The following VCL variants were observed in gnomAD, a reference collection of about 807,000 sequenced individuals.
The protein encoded by VCL is vinculin, also known as epididymis luminal protein 114.
VCL carries 47 observed loss-of-function variants against 125.7 expected under a neutral mutation model. The ratio of observed to expected loss-of-function variants is 0.37; its 90% CI spans 0.30 to 0.48. The LOEUF is 0.48. Among genes scored for constraint, VCL ranks in the 20% least tolerant of loss-of-function variants. The probability of loss-of-function intolerance (pLI) is 0.99; values close to 1 mark genes in which losing one functional copy is unlikely to be tolerated. For missense variants in VCL, 1,069 were observed against 1,455.5 expected, an observed-to-expected ratio of 0.73 and a Z score of 4.32; for synonymous variants, 458 against 514.6, an observed-to-expected ratio of 0.89 and a Z score of 1.49.
chr10:74,025,296 C>T (rs963652631), intron 1 of VCL, among the ~76,000 whole-genome samples: 3 of 152,068 alleles, frequency 2.0e-5, no homozygotes, highest in Admixed American at 6.6e-5. Flanking sequence ...GGAATACAGG[C>T]GTAGCCATGG....
At position 74,070,683 on chromosome 10, in the gene VCL, T is replaced by C; in HGVS notation, c.253T>C (p.Cys85Arg). 6.2e-7 allele frequency: 1 copy of C among 1,614,164 alleles called. No homozygotes were observed. The highest frequency in any genetic ancestry group is 2.2e-5 in the East Asian group (1 of 44,880). ...PPAFIKVENA[C>R]TKLVQAAQML... ...TCTTCCCTATAGGGTTGAGAATGCT[T>C]GCACCAAGCTTGTCCAGGCAGCTCA... Residue 85 changes from cysteine (C) to arginine (R), a missense_variant, in exon 3 of 22, where the codon TGC (cysteine) becomes CGC (arginine). This residue lies in a region of VCL where 96 missense variants were observed against 137.6 expected (regional missense o/e 0.70). Coordinates refer to ENST00000211998, the MANE Select transcript of VCL (RefSeq NM_014000.3).
At chr10:74,055,801 G>A (rs1211842534) in intron 2 of VCL, among the ~76,000 whole-genome samples, 6 of 152,160 alleles carry the variant, frequency 3.9e-5, no homozygotes, top group African/African-American at 9.7e-5. Flanking sequence ...AAGGACTGTG[G>A]AGCTGATGGA....
At chr10:74,032,064 CAAAAAAAAAAAAAAAA>C (rs35715975) in intron 1 of VCL, among the ~76,000 whole-genome samples, 2 of 21,050 alleles carry the variant, frequency 9.5e-5, no homozygotes, top group East Asian at 4.9e-3. Flanking sequence ...AACTCCATCT[CAAAAAAAAAAAAAAAA>C]AAAAAAAAAA....
intron 1 of VCL, among the ~76,000 whole-genome samples, chr10:74,019,557 C>T (rs536023241): frequency 6.6e-6 from 1 of 152,138 alleles, no homozygotes; most frequent in South Asian, 2.1e-4. Context: ...GGAGAGCCAT[C>T]CATTCAAGCA....
intron 2 of VCL, among the ~76,000 whole-genome samples, chr10:74,058,706 T>G (rs1318636597): frequency 1.3e-5 from 2 of 152,126 alleles, no homozygotes; most frequent in African/African-American, 2.4e-5. Flanking sequence ...CTTTATATTA[T>G]TTTGTCTAAA....
chr10:74,015,976 C>T (rs1484940840), intron 1 of VCL, among the ~76,000 whole-genome samples: 2 of 152,084 alleles, frequency 1.3e-5, no homozygotes, highest in African/African-American at 2.4e-5. Flanking sequence ...TGAGCCACTA[C>T]GCTCAGCCTT....
At chr10:74,026,867 A>T (rs769158523) in intron 1 of VCL, among the ~76,000 whole-genome samples, 1 of 152,140 alleles carries the variant, frequency 6.6e-6, no homozygotes, top group African/African-American at 2.4e-5. Context: ...GAGGAGTAGG[A>T]CCTCATTTTC....
Position 74,071,179 on chromosome 10 carries a change from GT to G in VCL, c.499+97del. 1 of 1,153,100 alleles carries G rather than the reference GT, an allele frequency of 8.7e-7. No homozygotes were observed. The highest frequency in any genetic ancestry group is 1.3e-6 in the Non-Finnish European group (1 of 773,312). 71.4% of individuals were successfully genotyped at this position (1,153,100 alleles called of 1,614,324 possible). On this transcript the variant is annotated intron_variant, in intron 4 of 21. Transcript: ENST00000211998. This position sits in a 1 kb window ranked among gnomAD's most constrained non-coding sequence, Gnocchi z 4.1. Reference sequence around the variant, plus strand: ...TCTTCCTACTTTTTGCAGAAGATAGGTGAAGATGCATTGGGCTTTCAGGTGT... The same window carrying G: ...TCTTCCTACTTTTTGCAGAAGATAGGGAAGATGCATTGGGCTTTCAGGTGT...
At chr10:74,000,324 C>A (rs1181916508) in intron 1 of VCL, among the ~76,000 whole-genome samples, 7 of 139,624 alleles carry the variant, frequency 5.0e-5, no homozygotes, top group African/African-American at 1.9e-4. Context: ...AGTGCAATGG[C>A]GTGATCATAG....
In VCL at chr10:74,114,876, A is replaced by G; in HGVS notation, c.3235A>G (p.Ile1079Val). 6.3e-7 allele frequency: 1 copy of G among 1,599,888 alleles called. No homozygotes were observed. The highest frequency in any genetic ancestry group is 8.5e-7 in the Non-Finnish European group (1 of 1,173,530). The change falls in exon 21 of 22, where the codon ATC (isoleucine) becomes GTC (valine). Residue 1079 changes from isoleucine to valine, a missense_variant. Ile to Val is a conservative substitution (Grantham distance 29). Coordinates refer to ENST00000211998, the MANE Select transcript of VCL (RefSeq NM_014000.3). ...GGCCACCATGCTGGGCCGGACCAAC[A>G]TCAGTGATGAGGAGTCTGAGCAGGT... ...VKATMLGRTN[I>V]SDEESEQATE...
chr10:74,095,307 C>G (rs1394799787), intron 11 of VCL, among the ~76,000 whole-genome samples: 1 of 151,984 alleles, frequency 6.6e-6, no homozygotes, highest in African/African-American at 2.4e-5. Context: ...ATAAAAAGAA[C>G]TGGCTGGGTG....
At chr10:74,018,177 GATATATATATAT>G (rs72407698) in intron 1 of VCL, among the ~76,000 whole-genome samples, 3 of 81,908 alleles carry the variant, frequency 3.7e-5, no homozygotes, top group East Asian at 2.3e-4. Context: ...ATATATATAG[GATATATATATAT>G]ATATATATAT....
chr10:74,087,152 T>C (rs1839792082), intron 8 of VCL, among the ~76,000 whole-genome samples: 1 of 152,004 alleles, frequency 6.6e-6, no homozygotes, highest in South Asian at 2.1e-4. Context: ...TCCTAAAGAC[T>C]ATGTTTCCTA....
intron 5 of VCL, 126 bp from the exon 6 acceptor site, chr10:74,074,617 T>C: frequency 1.9e-6 from 2 of 1,053,066 alleles, no homozygotes; most frequent in Non-Finnish European, 2.8e-6. Context: ...TTGTAGTGTT[T>C]GTTTTGTATA....
chr10:74,042,997 A>G, intron 1 of VCL, 86 bp from the exon 2 acceptor site: 2 of 1,294,216 alleles, frequency 1.5e-6, no homozygotes, highest in Non-Finnish European at 2.2e-6. Context: ...GATTATGTTT[A>G]AGTATATGTT....
intron 6 of VCL, chr10:74,077,706 C>T (rs1288081742): frequency 1.1e-5 from 5 of 455,406 alleles, no homozygotes; most frequent in African/African-American, 2.0e-5. Context: ...GTGCAGTATT[C>T]TTCTGGAAAG....
rs1839561325 is a variant in VCL, at chr10:74,075,160, A to T, written c.783+257A>T. ...TAAGGCTGAGATTTATAGCTTTTCC[A>T]TCAGGCTGGAGTCTTATTGGTTGGA... On this transcript the variant is annotated intron_variant, in intron 6 of 21. Coordinates refer to ENST00000211998, the MANE Select transcript of VCL (RefSeq NM_014000.3). The T allele has an allele frequency of 3.8e-5, 18 of 476,954 alleles. No homozygotes were observed. The South Asian group carries it at 4.1e-4, about 11-fold the overall frequency. The allele number at this position is 476,954 out of a possible 1,614,324, so 29.5% of individuals were successfully genotyped here.
intron 2 of VCL, among the ~76,000 whole-genome samples, chr10:74,058,472 G>T (rs765681848): frequency 1.3e-5 from 2 of 152,084 alleles, no homozygotes; most frequent in Admixed American, 6.5e-5. Context: ...GGCAAACAAT[G>T]CATCTTTTTG....
Position 74,070,937 on chromosome 10 carries a change from C to T in VCL, c.391-38C>T, listed in dbSNP as rs1841654932. 4 of 1,612,002 alleles carry T rather than the reference C, an allele frequency of 2.5e-6. No homozygotes were observed. In the East Asian group the frequency reaches 8.9e-5, roughly 36 times the overall value. On this transcript the variant is annotated intron_variant, in intron 3 of 21. Transcript: ENST00000211998. ...CTGTGTTACCGTGTTTGCTAGTTGT[C>T]CACCCATGTGATTGAATACTCTGAA...
Sources: gnomAD v4.1 joint callset for allele counts (sites outside exome capture counted in the v4.1 genomes callset) on GRCh38, gnomAD v4.1.1 for gene constraint, gnomAD v4.1.1 regional missense constraint, Gnocchi (gnomAD v3.1) non-coding constraint, MANE v1.5 for transcripts, NCBI Gene and HGNC (gene_info 2026-07-23, HGNC 2026-07-21) for gene names.